Variants in AXIN2 observed in about 807,000 individuals in gnomAD.
AXIN2 encodes axin-2.
A neutral mutation model predicts 74.7 loss-of-function variants in AXIN2; 21 were observed. The observed-to-expected ratio is 0.28, with a 90% confidence interval of 0.20 to 0.40. The LOEUF is 0.40. AXIN2 is among the 10% of genes least tolerant of loss of function. The probability of loss-of-function intolerance (pLI) is 1.00; values close to 1 mark genes in which losing one functional copy is unlikely to be tolerated. For synonymous variants in AXIN2, 532 were observed against 454.9 expected (o/e 1.17, Z -2.16); for missense variants, 1,144 against 1,111.1 (o/e 1.03, Z -0.42).
rs146097115 is a variant in AXIN2 at position 65,552,440 on chromosome 17, G to A, written c.816-2780C>T. ...TACTGCCTTGAAGCAGGATGCACAC[G>A]ATGACTTCCTTGGGGCCTTTTCCTG... On this transcript the variant is annotated intron_variant, in intron 2 of 10. Transcript: ENST00000307078. Among the ~76,000 whole-genome samples, 245 of 152,326 alleles carry A rather than the reference G, an allele frequency of 1.6e-3. 2 individuals are homozygous for A. Among genetic ancestry groups the A allele is most frequent in the African/African-American group, 5.6e-3 (232 of 41,560 alleles).
intron 3 of AXIN2, among the ~76,000 whole-genome samples, chr17:65,546,056 C>G (rs924187668): frequency 2.0e-5 from 3 of 150,138 alleles, no homozygotes; most frequent in Admixed American, 6.6e-5. Flanking sequence ...CTCTCCCCCC[C>G]TCCCCAGCCC....
intron 3 of AXIN2, among the ~76,000 whole-genome samples, chr17:65,546,091 G>A (rs2044114558): frequency 7.0e-6 from 1 of 143,156 alleles, no homozygotes; most frequent in Admixed American, 7.1e-5. Context: ...CTCCCAGCAG[G>A]GCAGCCAGCC....
At chr17:65,553,852 G>C (rs576315579) in intron 2 of AXIN2, among the ~76,000 whole-genome samples, 4 of 149,686 alleles carry the variant, frequency 2.7e-5, no homozygotes, top group Admixed American at 6.7e-5. Flanking sequence ...AAAGGCGGGG[G>C]GGGGGGGAGG....
rs1159551938 is a variant in AXIN2 at position 65,537,002 on chromosome 17, G to C, written c.1774C>G (p.Leu592Val). The C allele has an allele frequency of 6.2e-7, 1 of 1,612,172 alleles. No homozygotes were observed. Among genetic ancestry groups the C allele is most frequent in the Non-Finnish European group, 8.5e-7 (1 of 1,179,890 alleles). The change falls in exon 7 of 11, where the codon CTG becomes GTG. Residue 592 changes from leucine to valine, a missense_variant. Leu to Val is a conservative substitution (Grantham distance 32). Transcript: ENST00000307078. ...GGGGCCCCTCCTTCCCTGGCGGGCA[G>C]GGCCAGGCCCGGCTCCGTGCCTTTC... ...NGKGTEPGLA[L>V]PAREGGAPGG...
chr17:65,550,251 C>G (rs145457525), intron 2 of AXIN2, among the ~76,000 whole-genome samples: 73 of 152,298 alleles, frequency 4.8e-4, no homozygotes, highest in African/African-American at 1.7e-3. Context: ...TTCAGGACTC[C>G]AATCCCACCT....
intron 3 of AXIN2, among the ~76,000 whole-genome samples, chr17:65,542,753 G>A (rs1005095289): frequency 2.0e-5 from 3 of 152,142 alleles, no homozygotes; most frequent in Non-Finnish European, 4.4e-5. Context: ...CCCTTCAGGA[G>A]GCCACTTATT....
At chr17:65,554,184 G>A (rs570865010) in intron 2 of AXIN2, among the ~76,000 whole-genome samples, 1 of 152,252 alleles carries the variant, frequency 6.6e-6, no homozygotes, top group East Asian at 1.9e-4. Context: ...GAGCCTCCAG[G>A]CAGGGAGCAC....
rs2044177339 is a variant in AXIN2 at position 65,550,554 on chromosome 17, G to T, written c.816-894C>A. Among the ~76,000 whole-genome samples, 4 of 152,162 alleles carry T rather than the reference G, an allele frequency of 2.6e-5. No homozygotes were observed. In the South Asian group the frequency reaches 8.3e-4, roughly 32 times the overall value. ...CGGGGAGGGGCAGATAGGTCGGCAG[G>T]CTGCACGTTAAGGCCTGAAGTCGCA... On this transcript the variant is annotated intron_variant, in intron 2 of 10. Coordinates refer to ENST00000307078, the MANE Select transcript of AXIN2 (RefSeq NM_004655.4).
chr17:65,560,430 G>C (rs1404237895), intron 1 of AXIN2: 1 of 149,244 alleles, frequency 6.7e-6, no homozygotes, highest in African/African-American at 2.4e-5. Flanking sequence ...GGCGGGGGGC[G>C]GGGGAGGGCA....
At chr17:65,549,320 C>G (rs2044158596) in intron 3 of AXIN2, among the ~76,000 whole-genome samples, 200 bp downstream of exon 3, 1 of 152,210 alleles carries the variant, frequency 6.6e-6, no homozygotes, top group Non-Finnish European at 1.5e-5. Context: ...AAGCTCTAAG[C>G]TTTACCCTAC....
Position 65,530,081 on chromosome 17 carries a change from G to A in AXIN2, c.2427C>T (p.Ser809=), listed in dbSNP as rs758857739. ...ACACCGCTCCACAGGCAAACTCATC[G>A]CTTGCTTTTTTGAAGTAATACCTTA... ...GNYRYYFKKA[S]DEFACGAVFE... Residue 809 remains serine, a synonymous_variant, in exon 11 of 11, where the codon AGC becomes AGT. Transcript: ENST00000307078. The A allele has an allele frequency of 6.2e-6, 10 of 1,614,092 alleles. No individual in the cohort carries two copies. Among genetic ancestry groups the A allele is most frequent in the South Asian group, 1.1e-5 (1 of 91,072 alleles).
rs550146601 is a variant in AXIN2 at position 65,535,731 on chromosome 17, C to G, written c.2142-10G>C. 7.1e-5 allele frequency: 115 copies of G among 1,612,846 alleles called. 1 individual carries two copies. In the South Asian group the frequency reaches 1.2e-3, roughly 17 times the overall value. ...ACTGGCCACACAGCACCTGAGGACA[C>G]AGCCAGGGCGAGGGATTTAGAGGTA... On this transcript the variant is annotated splice_polypyrimidine_tract_variant and intron_variant, in intron 8 of 10. Coordinates refer to ENST00000307078, the MANE Select transcript of AXIN2 (RefSeq NM_004655.4).
chr17:65,537,191 C>T, intron 6 of AXIN2, 128 bp from the exon 7 acceptor site: 1 of 1,540,602 alleles, frequency 6.5e-7, no homozygotes. Context: ...TCCCCGCACC[C>T]TCACCCGGCC....
chr17:65,545,726 G>A (rs994740099), intron 3 of AXIN2, among the ~76,000 whole-genome samples: 4 of 152,128 alleles, frequency 2.6e-5, no homozygotes, highest in Non-Finnish European at 4.4e-5. Context: ...AGCCTTCTCA[G>A]AGGCCCAAAT....
At chr17:65,553,697 A>G (rs577259765) in intron 2 of AXIN2, among the ~76,000 whole-genome samples, 2 of 152,272 alleles carry the variant, frequency 1.3e-5, no homozygotes, top group South Asian at 2.1e-4. Flanking sequence ...TTTTCCCACA[A>G]TCATAACAAG....
intron 3 of AXIN2, among the ~76,000 whole-genome samples, chr17:65,543,124 G>A (rs970003415): frequency 6.6e-6 from 1 of 152,184 alleles, no homozygotes; most frequent in Admixed American, 6.5e-5. Context: ...ATTGCACTGA[G>A]GTGAGTAGGG....
chr17:65,557,194 G>A (rs1035138138), intron 2 of AXIN2, among the ~76,000 whole-genome samples: 1 of 152,102 alleles, frequency 6.6e-6, no homozygotes, highest in Non-Finnish European at 1.5e-5. Flanking sequence ...TAAAGGTAAG[G>A]GTCCTTCATT....
chr17:65,547,362 G>A (rs1249027815), intron 3 of AXIN2, among the ~76,000 whole-genome samples: 1 of 152,230 alleles, frequency 6.6e-6, no homozygotes, highest in Non-Finnish European at 1.5e-5. Context: ...GAAGGGCAAA[G>A]CGGGCAAAGT....
rs2043775653 is a variant in AXIN2 at position 65,529,166 on chromosome 17, T to TGGGGAGGCTACATGAG, written c.*794_*809dup. The TGGGGAGGCTACATGAG allele has an allele frequency of 4.3e-6, 1 of 234,140 alleles. No homozygotes were observed. Among genetic ancestry groups the TGGGGAGGCTACATGAG allele is most frequent in the Non-Finnish European group, 8.4e-6 (1 of 118,846 alleles). The allele number at this position is 234,140 out of a possible 1,614,324, so 14.5% of individuals were successfully genotyped here. ...CTAGCAGGCCTCAGGGCCCTGGGCC[T>TGGGGAGGCTACATGAG]GGGGAGGCTACATGAGGGGGAGCCT... On this transcript the variant is annotated 3_prime_UTR_variant, in exon 11 of 11. Coordinates refer to ENST00000307078, the MANE Select transcript of AXIN2 (RefSeq NM_004655.4).
Sources: allele counts gnomAD v4.1 joint callset (sites outside exome capture counted in the v4.1 genomes callset), GRCh38; gene constraint gnomAD v4.1.1; transcripts MANE v1.5; gene names NCBI Gene and HGNC (gene_info 2026-07-23, HGNC 2026-07-21).